TOMM7: variants seen among roughly 807,000 people sequenced by gnomAD.
The protein encoded by TOMM7 is translocase of outer mitochondrial membrane 7.
Under a neutral mutation model 9.5 loss-of-function variants are expected in TOMM7, and 8 were observed. That is an observed-to-expected ratio of 0.84 (90% CI 0.49 to 1.51). TOMM7 has a LOEUF of 1.51. Ranked by LOEUF, TOMM7 falls within the 40% of genes most tolerant of loss-of-function variation. The probability of loss-of-function intolerance (pLI) is 0.00; values close to 1 mark genes in which losing one functional copy is unlikely to be tolerated. For missense variants in TOMM7, 74 were observed against 63.7 expected, an observed-to-expected ratio of 1.16 and a Z score of -0.55; for synonymous variants, 27 against 21.4, an observed-to-expected ratio of 1.26 and a Z score of -0.72.
At chr7:22,815,199 G>A (rs1006092971) in intron 2 of TOMM7, among the ~76,000 whole-genome samples, 2 of 152,172 alleles carry the variant, frequency 1.3e-5, no homozygotes, top group Non-Finnish European at 2.9e-5. Context: ...AAAGCAGTAG[G>A]ACAGGGATGC....
chr7:22,821,224 A>T (rs1431802196), intron 1 of TOMM7, among the ~76,000 whole-genome samples: 1 of 151,690 alleles, frequency 6.6e-6, no homozygotes, highest in Non-Finnish European at 1.5e-5. Context: ...ATCCTGGCTA[A>T]CACGGTGAAA....
chr7:22,821,664 C>A (rs927775535), intron 1 of TOMM7, among the ~76,000 whole-genome samples: 1 of 149,272 alleles, frequency 6.7e-6, no homozygotes, highest in Non-Finnish European at 1.5e-5. Context: ...GGGGAAGGAT[C>A]GCTTGATCCC....
chr7:22,813,966 T>A, intron 2 of TOMM7, among the ~76,000 whole-genome samples: 1 of 148,274 alleles, frequency 6.7e-6, no homozygotes, highest in East Asian at 2.0e-4. Context: ...AAAACACACA[T>A]CTATTTCCAA....
intron 1 of TOMM7, among the ~76,000 whole-genome samples, chr7:22,821,407 A>G (rs1269368046): frequency 5.8e-5 from 1 of 17,096 alleles, no homozygotes; most frequent in Non-Finnish European, 1.0e-4. Flanking sequence ...CCCCGTCTCA[A>G]AAAAAAAAAA....
chr7:22,822,814 C>T lies in TOMM7; in HGVS notation c.-35G>A. On this transcript the variant is annotated 5_prime_UTR_variant, in exon 1 of 3. Coordinates refer to ENST00000358435, the MANE Select transcript of TOMM7 (RefSeq NM_019059.5). ...CGTGTGGCGCAGGGAGGACCCCTTA[C>T]AGCAACCACAGCGTCGGGAATCCGA... 6.5e-7 allele frequency: 1 copy of T among 1,539,692 alleles called. No homozygotes were observed. Among genetic ancestry groups the T allele is most frequent in the South Asian group, 1.1e-5 (1 of 89,520 alleles).
At chr7:22,820,861 T>C (rs1782378361) in intron 1 of TOMM7, among the ~76,000 whole-genome samples, 1 of 152,210 alleles carries the variant, frequency 6.6e-6, no homozygotes, top group Non-Finnish European at 1.5e-5. Flanking sequence ...TTAAGTTCTA[T>C]AATCCCAGGT....
intron 1 of TOMM7, 105 bp from the exon 2 acceptor site, chr7:22,818,153 T>A: frequency 9.3e-7 from 1 of 1,071,410 alleles, no homozygotes; most frequent in Non-Finnish European, 1.4e-6. Context: ...CTAGGATAGT[T>A]AGAATGATAT....
At chr7:22,822,204 G>C in intron 1 of TOMM7, 1 of 1,550,886 alleles carries the variant, frequency 6.4e-7, no homozygotes, top group Non-Finnish European at 8.7e-7. Context: ...CATCGTACAG[G>C]TAAGAAAGCA....
At chr7:22,822,220 A>G (rs1782402965) in intron 1 of TOMM7, 3 of 1,550,880 alleles carry the variant, frequency 1.9e-6, no homozygotes, top group Non-Finnish European at 2.6e-6. Context: ...AAGCAGAGGC[A>G]TCCAACGACT....
chr7:22,819,876 TTG>T (rs1782364623), intron 1 of TOMM7, among the ~76,000 whole-genome samples: 1 of 152,194 alleles, frequency 6.6e-6, no homozygotes, highest in African/African-American at 2.4e-5. Flanking sequence ...TAAAACCTTT[TTG>T]TTAGTAAATG....
chr7:22,822,641 C>T (rs1367369161), intron 1 of TOMM7, 36 bp downstream of exon 1: 1 of 1,573,560 alleles, frequency 6.4e-7, no homozygotes, highest in East Asian at 2.2e-5. Flanking sequence ...CCACCCTCTT[C>T]CCTCCAGTCA....
chr7:22,822,059 G>A, intron 1 of TOMM7: 4 of 1,398,418 alleles, frequency 2.9e-6, no homozygotes, highest in Non-Finnish European at 3.9e-6. Flanking sequence ...TTAAGACTAT[G>A]GGCTCTGATG....
At chr7:22,817,871 A>G (rs1394692472) in intron 2 of TOMM7, 129 bp downstream of exon 2, 2 of 794,708 alleles carry the variant, frequency 2.5e-6, no homozygotes, top group Non-Finnish European at 4.0e-6. Flanking sequence ...CAGTTTTCCA[A>G]TAGCCCAAAA....
intron 1 of TOMM7, among the ~76,000 whole-genome samples, chr7:22,821,555 C>G (rs1176933051): frequency 6.6e-6 from 1 of 152,114 alleles, no homozygotes. Context: ...TGAGGCCAGC[C>G]TGGCCCACAT....
intron 2 of TOMM7, among the ~76,000 whole-genome samples, chr7:22,814,742 C>G (rs1782295158): frequency 6.6e-6 from 1 of 152,132 alleles, no homozygotes; most frequent in Non-Finnish European, 1.5e-5. Flanking sequence ...ATGAGTCATC[C>G]TGGGTGAAAG....
Position 22,813,102 on chromosome 7 carries a change from C to G in TOMM7, c.*68G>C. On this transcript the variant is annotated 3_prime_UTR_variant, in exon 3 of 3. Transcript: ENST00000358435. ...ACTGAATGATGTCCCATCTCTTATC[C>G]GAGCCAGAGCACACATCTTCCATGC... The G allele has an allele frequency of 6.4e-7, 1 of 1,561,100 alleles. No homozygotes were observed. The highest frequency in any genetic ancestry group is 8.8e-7 in the Non-Finnish European group (1 of 1,132,204).
intron 2 of TOMM7, among the ~76,000 whole-genome samples, chr7:22,816,037 G>T (rs2128182112): frequency 6.6e-6 from 1 of 152,242 alleles, no homozygotes; most frequent in South Asian, 2.1e-4. Flanking sequence ...TTTATTCTGG[G>T]ACTTAGCATG....
At chr7:22,821,735 C>T (rs1782394224) in intron 1 of TOMM7, among the ~76,000 whole-genome samples, 1 of 150,974 alleles carries the variant, frequency 6.6e-6, no homozygotes, top group Non-Finnish European at 1.5e-5. Flanking sequence ...GGGCACACAG[C>T]GACTGTCTCA....
intron 2 of TOMM7, among the ~76,000 whole-genome samples, chr7:22,816,493 A>G (rs1371392968): frequency 6.6e-6 from 1 of 152,264 alleles, no homozygotes; most frequent in Middle Eastern, 3.2e-3. Flanking sequence ...GGCTAAGAAA[A>G]AAGGACTTAG....
Sources: gnomAD v4.1 joint callset for allele counts (sites outside exome capture counted in the v4.1 genomes callset) on GRCh38, gnomAD v4.1.1 for gene constraint, MANE v1.5 for transcripts, NCBI Gene and HGNC (gene_info 2026-07-23, HGNC 2026-07-21) for gene names.